The following WAC variants were observed in gnomAD, a reference collection of about 807,000 sequenced individuals.
WAC encodes WW domain-containing adapter protein with coiled-coil.
WAC carries 11 observed loss-of-function variants against 79.6 expected under a neutral mutation model. That is an observed-to-expected ratio of 0.14 (90% CI 0.09 to 0.23). WAC has a LOEUF of 0.23. Among genes scored for constraint, WAC ranks in the 10% least tolerant of loss-of-function variants. The pLI, the probability that WAC is intolerant of heterozygous loss-of-function variation, is 1.00. For synonymous variants in WAC, 304 were observed against 276.9 expected, an observed-to-expected ratio of 1.10 and a Z score of -0.97; for missense variants, 728 against 773.5, an observed-to-expected ratio of 0.94 and a Z score of 0.70.
chr10:28,596,710 C>T (rs1455525964), intron 7 of WAC, among the ~76,000 whole-genome samples: 3 of 152,136 alleles, frequency 2.0e-5, no homozygotes. Flanking sequence ...ACTTGTACTT[C>T]ATAGTATGTT....
chr10:28,600,915 G>C (rs1414257149), intron 7 of WAC, among the ~76,000 whole-genome samples: 2 of 151,756 alleles, frequency 1.3e-5, no homozygotes, highest in African/African-American at 4.8e-5. Context: ...AATTAGAGAA[G>C]AGCTGTTGCA....
Position 28,533,241 on chromosome 10 carries a change from G to T in WAC, c.-339G>T. On this transcript the variant is annotated 5_prime_UTR_variant, in exon 1 of 14. Coordinates refer to ENST00000354911, the MANE Select transcript of WAC (RefSeq NM_016628.5). ...GCAGCGGCGGCGGCGGGGGGAGGAGGGGAGGAGGCGGCGGAGCAGGAGGAG... is the reference window on the plus strand; with the variant it reads ...GCAGCGGCGGCGGCGGGGGGAGGAGTGGAGGAGGCGGCGGAGCAGGAGGAG... The T allele has an allele frequency of 6.0e-6, 1 of 166,352 alleles. No individual in the cohort carries two copies. The highest frequency in any genetic ancestry group is 1.3e-5 in the Non-Finnish European group (1 of 77,880). 10.3% of individuals were successfully genotyped at this position (166,352 alleles called of 1,614,324 possible).
At chr10:28,543,585 A>G (rs1439175660) in intron 3 of WAC, among the ~76,000 whole-genome samples, 1 of 152,152 alleles carries the variant, frequency 6.6e-6, no homozygotes, top group African/African-American at 2.4e-5. Context: ...ATATATTTTT[A>G]TTTCTCTAAG....
chr10:28,547,396 G>A (rs949031438), intron 3 of WAC, among the ~76,000 whole-genome samples: 5 of 152,050 alleles, frequency 3.3e-5, no homozygotes, highest in Non-Finnish European at 7.4e-5. Flanking sequence ...TTAGCTGGGC[G>A]TGGTGGCATG....
chr10:28,576,755 T>C (rs1245744738), intron 3 of WAC, among the ~76,000 whole-genome samples: 2 of 152,196 alleles, frequency 1.3e-5, no homozygotes, highest in East Asian at 1.9e-4. Flanking sequence ...TCACTAAATA[T>C]CAGCTCACCT....
chr10:28,597,018 T>G (rs997614515), intron 7 of WAC, among the ~76,000 whole-genome samples: 1 of 152,134 alleles, frequency 6.6e-6, no homozygotes. Flanking sequence ...GAGCAGAAAC[T>G]CAACTATAAA....
At position 28,622,196 on chromosome 10, in the gene WAC, CAG is replaced by C. The variant is rs1254096408; in HGVS notation, c.*2592_*2593del. ...CTGGCCAGTAGTGAATTTTTAAACA[CAG>C]AAAATCTAAAATTTTGTGGAAATAT... On this transcript the variant is annotated 3_prime_UTR_variant, in exon 14 of 14. Transcript: ENST00000354911. The C allele has an allele frequency of 6.6e-6, 1 of 152,126 alleles. No individual in the cohort carries two copies. Among genetic ancestry groups the C allele is most frequent in the African/African-American group, 2.4e-5 (1 of 41,416 alleles). 9.4% of individuals were successfully genotyped at this position (152,126 alleles called of 1,614,324 possible).
intron 6 of WAC, among the ~76,000 whole-genome samples, chr10:28,594,872 C>T (rs1840273283): frequency 6.6e-6 from 1 of 152,154 alleles, no homozygotes. Flanking sequence ...TGAACTTCAA[C>T]ATGATAGTTG....
intron 4 of WAC, chr10:28,589,148 T>C (rs1839970361): frequency 1.3e-5 from 2 of 152,360 alleles, no homozygotes; most frequent in South Asian, 4.1e-4. Flanking sequence ...GTGATACTGC[T>C]AATCCTGTAT....
Position 28,616,255 on chromosome 10 carries a change from T to A in WAC, c.1639T>A (p.Ser547Thr), listed in dbSNP as rs1311223317. 4 of 1,613,882 alleles carry A rather than the reference T, an allele frequency of 2.5e-6. No homozygotes were observed. The highest frequency in any genetic ancestry group is 2.7e-5 in the African/African-American group (2 of 74,924). Residue 547 changes from serine to threonine, a missense_variant, in exon 12 of 14, where the codon TCT becomes ACT. By Grantham distance (58) the Ser-to-Thr change is moderately conservative (BLOSUM62 1). Around this residue, in one of 3 missense-constraint regions of WAC, gnomAD observed 648 missense variants for 661.5 expected, o/e 0.98. Transcript: ENST00000354911. ...AAATGCAACAGTTGTACCACAGAAT[T>A]CTTCTGCCCGATCCACGTGTTCATT... The part of the protein sequence containing the change: ...ASNATVVPQN[S>T]SARSTCSLTP...
chr10:28,580,294 T>C (rs1415006837), intron 3 of WAC, among the ~76,000 whole-genome samples: 2 of 152,218 alleles, frequency 1.3e-5, no homozygotes, highest in African/African-American at 2.4e-5. Flanking sequence ...TTTAGAGGTA[T>C]AATTAATTGG....
chr10:28,609,436 G>GT (rs1447337752), intron 8 of WAC, among the ~76,000 whole-genome samples: 3 of 152,182 alleles, frequency 2.0e-5, no homozygotes, highest in African/African-American at 7.2e-5. Context: ...GTGTTAAGTG[G>GT]TTAAGTTCTT....
intron 3 of WAC, among the ~76,000 whole-genome samples, chr10:28,544,734 G>A (rs1205323443): frequency 6.6e-6 from 1 of 152,066 alleles, no homozygotes; most frequent in Non-Finnish European, 1.5e-5. Context: ...GGACTTTGTG[G>A]TTCAGAGATT....
chr10:28,570,059 C>T (rs955646847), intron 3 of WAC, among the ~76,000 whole-genome samples: 3 of 152,162 alleles, frequency 2.0e-5, no homozygotes, highest in Admixed American at 6.5e-5. Flanking sequence ...GAGCACATGT[C>T]TCAGCTGAGA....
intron 7 of WAC, 46 bp from the exon 8 acceptor site, chr10:28,608,140 T>G: frequency 6.2e-7 from 1 of 1,605,510 alleles, no homozygotes; most frequent in Admixed American, 1.7e-5. Flanking sequence ...TTGTTCCAAT[T>G]TTCTCTATTC....
intron 4 of WAC, among the ~76,000 whole-genome samples, chr10:28,588,247 A>T (rs1322822050): frequency 2.0e-5 from 3 of 152,116 alleles, no homozygotes; most frequent in Non-Finnish European, 4.4e-5. Context: ...GCCCTTTGTG[A>T]TTGGGTTCCT....
intron 3 of WAC, among the ~76,000 whole-genome samples, chr10:28,566,755 T>C (rs892673285): frequency 2.6e-5 from 4 of 152,210 alleles, no homozygotes; most frequent in African/African-American, 4.8e-5. Flanking sequence ...GTAAGTGATA[T>C]GCTTCTGCTG....
At chr10:28,569,355 GTTGTTAATGCT>G (rs1838823641) in intron 3 of WAC, among the ~76,000 whole-genome samples, 1 of 152,070 alleles carries the variant, frequency 6.6e-6, no homozygotes, top group Admixed American at 6.5e-5. Flanking sequence ...CCTACAATTA[GTTGTTAATGCT>G]TTGTTGGAAA....
intron 3 of WAC, among the ~76,000 whole-genome samples, chr10:28,543,478 T>C (rs1283379739): frequency 6.6e-6 from 1 of 152,272 alleles, no homozygotes; most frequent in African/African-American, 2.4e-5. Flanking sequence ...CAAGCCACAT[T>C]TCATGTGTTT....
Sources: gnomAD v4.1 joint callset for allele counts (sites outside exome capture counted in the v4.1 genomes callset) on GRCh38, gnomAD v4.1.1 for gene constraint, gnomAD v4.1.1 regional missense constraint, MANE v1.5 for transcripts, NCBI Gene and HGNC (gene_info 2026-07-23, HGNC 2026-07-21) for gene names.